Variants in NRG1 observed in about 807,000 individuals in gnomAD.
NRG1 encodes the protein neuregulin 1.
A neutral mutation model predicts 63.8 loss-of-function variants in NRG1; 18 were observed. That is an observed-to-expected ratio of 0.28 (90% CI 0.19 to 0.42). NRG1 has a LOEUF of 0.42. NRG1 is among the 10% of genes least tolerant of loss of function. NRG1 has a pLI of 1.00. For missense variants in NRG1, 762 were observed against 814.7 expected (o/e 0.94, Z 0.79); for synonymous variants, 302 against 301.3 (o/e 1.00, Z -0.02).
intron 1 of NRG1, among the ~76,000 whole-genome samples, chr8:32,488,999 G>A (rs1476458225): frequency 6.6e-6 from 1 of 152,160 alleles, no homozygotes; most frequent in Non-Finnish European, 1.5e-5. Context: ...TTATTAAAAA[G>A]CTTTAGAGCA....
At chr8:32,643,498 C>T (rs531598228) in intron 5 of NRG1, among the ~76,000 whole-genome samples, 2 of 152,242 alleles carry the variant, frequency 1.3e-5, no homozygotes, top group Admixed American at 6.5e-5. Context: ...AGCTGCCGGT[C>T]GTCATGTGGG....
intron 1 of NRG1, among the ~76,000 whole-genome samples, chr8:31,953,154 T>C: frequency 6.6e-6 from 1 of 152,156 alleles, no homozygotes; most frequent in East Asian, 1.9e-4. Context: ...TACAAATATT[T>C]CATGTAATTT....
intron 1 of NRG1, among the ~76,000 whole-genome samples, chr8:32,054,424 T>C (rs1005389014): frequency 2.6e-5 from 4 of 152,204 alleles, no homozygotes; most frequent in African/African-American, 9.6e-5. Flanking sequence ...CATGTGACAA[T>C]AAATGCAGTA....
chr8:32,334,965 G>A (rs1458132665), intron 1 of NRG1, among the ~76,000 whole-genome samples: 4 of 152,078 alleles, frequency 2.6e-5, no homozygotes, highest in African/African-American at 9.7e-5. Flanking sequence ...CACTTTAAGT[G>A]TATTTCTCTT....
At chr8:32,465,158 C>A (rs936076967) in intron 1 of NRG1, among the ~76,000 whole-genome samples, 5 of 151,832 alleles carry the variant, frequency 3.3e-5, no homozygotes, top group African/African-American at 9.7e-5. Flanking sequence ...GTCTTAGAAA[C>A]AACAACAACA....
At chr8:32,335,893 A>G (rs1430829684) in intron 1 of NRG1, among the ~76,000 whole-genome samples, 2 of 152,112 alleles carry the variant, frequency 1.3e-5, no homozygotes, top group African/African-American at 4.8e-5. Context: ...GATCTAGAAA[A>G]CTACAAAGCC....
intron 5 of NRG1, 46 bp from the exon 6 acceptor site, chr8:32,727,903 G>A: frequency 6.3e-7 from 1 of 1,594,822 alleles, no homozygotes; most frequent in Non-Finnish European, 8.6e-7. Context: ...GCTTAGAAGG[G>A]GGAAAAAAAG....
chr8:32,705,335 G>C lies in NRG1; in HGVS notation c.503-22614G>C, dbSNP rs189270214. On this transcript the variant is annotated intron_variant, in intron 5 of 11. Transcript: ENST00000356819. ...TTTAGTAGAGATGGGGTTTCACCAT[G>C]TTAGCCAGGATGGTCTTGATCTCCT... is the stretch of plus-strand genomic sequence containing the variant. Among the ~76,000 whole-genome samples the C allele has an allele frequency of 8.5e-5, 13 of 152,162 alleles. No individual in the cohort carries two copies. In the East Asian group the frequency reaches 2.5e-3, roughly 30 times the overall value.
chr8:32,770,856 T>C (rs1250904008), downstream of NRG1, among the ~76,000 whole-genome samples: 1 of 152,150 alleles, frequency 6.6e-6, no homozygotes, highest in Non-Finnish European at 1.5e-5. Context: ...GTCTAACACA[T>C]AGCGAGTATT....
At chr8:32,716,544 A>G (rs1819268355) in intron 5 of NRG1, among the ~76,000 whole-genome samples, 1 of 151,084 alleles carries the variant, frequency 6.6e-6, no homozygotes, top group South Asian at 2.1e-4. Flanking sequence ...TTATTAGCCC[A>G]TATATATATA....
At chr8:32,378,189 G>A (rs894459435) in intron 1 of NRG1, among the ~76,000 whole-genome samples, 1 of 152,038 alleles carries the variant, frequency 6.6e-6, no homozygotes, top group African/African-American at 2.4e-5. Context: ...AAGGAACAAG[G>A]CCAGCTAGAC....
chr8:32,554,076 A>G (rs922117879), intron 1 of NRG1, among the ~76,000 whole-genome samples: 10 of 152,200 alleles, frequency 6.6e-5, no homozygotes, highest in Non-Finnish European at 1.2e-4. Flanking sequence ...TATTTGCTCA[A>G]AGACGCAAAT....
At chr8:32,196,926 C>T (rs577443579) in intron 1 of NRG1, among the ~76,000 whole-genome samples, 2 of 105,910 alleles carry the variant, frequency 1.9e-5, no homozygotes, top group Admixed American at 2.5e-4. Flanking sequence ...TTCTACCAGG[C>T]CTGTTCTCAG....
chr8:32,091,377 A>G (rs375333258), intron 1 of NRG1, among the ~76,000 whole-genome samples: 1 of 152,232 alleles, frequency 6.6e-6, no homozygotes, highest in East Asian at 1.9e-4. Context: ...TACAATGATC[A>G]TGGTGGCAAG....
chr8:32,177,544 TC>T (rs1286679404), intron 1 of NRG1, among the ~76,000 whole-genome samples: 2 of 151,768 alleles, frequency 1.3e-5, no homozygotes, highest in Non-Finnish European at 2.9e-5. Flanking sequence ...GCCTCCCTTT[TC>T]CCCCCATCCC....
intron 1 of NRG1, among the ~76,000 whole-genome samples, chr8:32,156,233 A>G (rs1184552308): frequency 1.3e-5 from 2 of 152,144 alleles, no homozygotes; most frequent in East Asian, 1.9e-4. Context: ...ATGCTCCTCC[A>G]TGATTTACCT....
chr8:32,067,438 T>C (rs1299086420), intron 1 of NRG1, among the ~76,000 whole-genome samples: 1 of 152,226 alleles, frequency 6.6e-6, no homozygotes, highest in Non-Finnish European at 1.5e-5. Flanking sequence ...CTGCATCTAC[T>C]GAGATAATCA....
intron 1 of NRG1, among the ~76,000 whole-genome samples, chr8:32,307,590 T>TGG (rs1856350342): frequency 1.6e-4 from 2 of 12,342 alleles, no homozygotes; most frequent in South Asian, 5.9e-3. Context: ...CCCAGGGGTT[T>TGG]GTGTGTGTGT....
chr8:32,366,691 A>ATATATATATATC (rs1808090584), intron 1 of NRG1, among the ~76,000 whole-genome samples: 2 of 42,156 alleles, frequency 4.7e-5, no homozygotes, highest in Middle Eastern at 0.012. Flanking sequence ...ATATATATAT[A>ATATATATATATC]TATATATATA....
Sources: gnomAD v4.1 joint callset for allele counts (sites outside exome capture counted in the v4.1 genomes callset) on GRCh38, gnomAD v4.1.1 for gene constraint, MANE v1.5 for transcripts, NCBI Gene and HGNC (gene_info 2026-07-23, HGNC 2026-07-21) for gene names.